MED13: variants seen among roughly 807,000 people sequenced by gnomAD.
The protein encoded by MED13 is mediator of RNA polymerase II transcription subunit 13.
In MED13, 23 loss-of-function variants were observed where a neutral mutation model predicts 225.2. The observed-to-expected ratio is 0.10, with a 90% CI of 0.07 to 0.14. MED13 has a LOEUF of 0.14. Among genes scored for constraint, MED13 ranks in the 10% least tolerant of loss-of-function variants. MED13 has a pLI of 1.00. For missense variants in MED13, 2,197 were observed against 2,594.5 expected (o/e 0.85, Z 3.33); for synonymous variants, 942 against 889.2 (o/e 1.06, Z -1.06).
In MED13 at chr17:62,060,644, CAA is replaced by C. The variant is rs565314177; in HGVS notation, c.301+2421_301+2422del. On this transcript the variant is annotated intron_variant, in intron 2 of 29. Transcript: ENST00000397786. ...CGCGGGACAGAATGAGACTCCGTCT[CAA>C]AAAAAAAAAAAAAACCAACCTCCCA... Among the ~76,000 whole-genome samples, 18 of 84,678 alleles carry C rather than the reference CAA, an allele frequency of 2.1e-4. 1 individual carries two copies. Among genetic ancestry groups the C allele is most frequent in the East Asian group, 8.4e-4 (3 of 3,586 alleles). The allele number at this position is 84,678 out of a possible 152,430, so 55.6% of individuals were successfully genotyped here.
intron 11 of MED13, 100 bp downstream of exon 11, chr17:61,992,440 G>C (rs888488721): frequency 1.5e-6 from 1 of 676,792 alleles, no homozygotes; most frequent in Non-Finnish European, 2.6e-6. Context: ...GAAACATAAT[G>C]AATTATACAA....
intron 9 of MED13, 85 bp from the exon 10 acceptor site, chr17:61,995,450 G>A: frequency 1.1e-6 from 1 of 878,110 alleles, no homozygotes; most frequent in Middle Eastern, 3.5e-4. Context: ...AATGTTTTTA[G>A]AATTACTTAA....
chr17:61,989,668 A>G (rs2080278589), intron 11 of MED13, among the ~76,000 whole-genome samples: 1 of 152,196 alleles, frequency 6.6e-6, no homozygotes, highest in African/African-American at 2.4e-5. Context: ...ATAGGGTCTC[A>G]CTACGTTGGC....
intron 8 of MED13, among the ~76,000 whole-genome samples, chr17:62,022,660 A>T (rs1567984668): frequency 6.6e-6 from 1 of 152,142 alleles, no homozygotes; most frequent in Non-Finnish European, 1.5e-5. Flanking sequence ...ACTAATATGG[A>T]AAGATCTGAG....
intron 16 of MED13, among the ~76,000 whole-genome samples, chr17:61,974,365 C>T (rs957176486): frequency 1.3e-5 from 2 of 152,142 alleles, no homozygotes; most frequent in African/African-American, 4.8e-5. Flanking sequence ...GATAGCGTAA[C>T]ACTGCACTTC....
At chr17:62,062,061 T>C (rs971347840) in intron 2 of MED13, among the ~76,000 whole-genome samples, 1 of 152,122 alleles carries the variant, frequency 6.6e-6, no homozygotes, top group Non-Finnish European at 1.5e-5. Context: ...ATACATTCTA[T>C]CCAAAAATAA....
intron 1 of MED13, 72 bp downstream of exon 1, chr17:62,065,068 C>T (rs950811172): frequency 8.8e-6 from 12 of 1,365,038 alleles, no homozygotes; most frequent in Non-Finnish European, 1.2e-5. Context: ...CCAGACCCGG[C>T]CCCCTCCCCC....
intron 25 of MED13, 31 bp from the exon 26 acceptor site, chr17:61,955,598 A>T (rs2079935903): frequency 1.3e-6 from 2 of 1,542,882 alleles, no homozygotes; most frequent in Non-Finnish European, 1.7e-6. Flanking sequence ...TTCTTTTAAT[A>T]AACGAAGAAT....
In MED13 at chr17:61,965,063, C is replaced by T; in HGVS notation, c.4787G>A (p.Gly1596Glu). 6.2e-7 allele frequency: 1 copy of T among 1,614,082 alleles called. No homozygotes were observed. Among genetic ancestry groups the T allele is most frequent in the Non-Finnish European group, 8.5e-7 (1 of 1,179,984 alleles). The change falls in exon 20 of 30, where the codon GGG (glycine) becomes GAG (glutamate). Residue 1596 changes from glycine (G) to glutamate (E), a missense_variant. By Grantham distance (98) the Gly-to-Glu change is moderately conservative (BLOSUM62 -2). Coordinates refer to ENST00000397786, the MANE Select transcript of MED13 (RefSeq NM_005121.3). ...AAGTGAAGATGATTCTCCAGAAATC[C>T]CAGCTGTCTGTAGAGCTGATGTCTG... is the stretch of plus-strand genomic sequence containing the variant. ...GQQTSALQTA[G>E]ISGESSSLPT...
In MED13 at chr17:61,955,855, TAAA is replaced by T. The variant is rs61326861; in HGVS notation, c.5624-20_5624-18del. 0.045 allele frequency: 35,671 copies of T among 790,662 alleles called. No individual in the cohort carries two copies. The highest frequency in any genetic ancestry group is 0.071 in the East Asian group (932 of 13,068). 49.0% of individuals were successfully genotyped at this position (790,662 alleles called of 1,614,324 possible). A position where few individuals can be genotyped will look rare whatever the true frequency, so the allele number is the denominator to read the frequency against. ...AGCTCCAATCTGTGGGTATCAACAG[TAAA>T]AAAAAAAAAAAAAAAAAAAAAAATC... On this transcript the variant is annotated intron_variant, in intron 24 of 29. Coordinates refer to ENST00000397786, the MANE Select transcript of MED13 (RefSeq NM_005121.3).
At chr17:62,023,934 G>C (rs2080674265) in intron 8 of MED13, among the ~76,000 whole-genome samples, 2 of 152,116 alleles carry the variant, frequency 1.3e-5, no homozygotes, top group South Asian at 2.1e-4. Flanking sequence ...ACTAACCAAA[G>C]CAAGTCACAC....
intron 3 of MED13, among the ~76,000 whole-genome samples, chr17:62,038,105 A>C (rs2080821439): frequency 1.3e-5 from 2 of 152,268 alleles, no homozygotes; most frequent in South Asian, 2.1e-4. Flanking sequence ...GAAATATTAA[A>C]TAAGAGAATT....
In MED13 at chr17:61,968,138, T is replaced by C. The variant is rs764340739; in HGVS notation, c.4088A>G (p.Tyr1363Cys). ...ATAGGCTATATCTCTTTGAGATCCA[T>C]AGGGTTCCAGCATAAGTCTCTCCCA... Reference protein sequence around the residue: ...PYWERLMLEPYGSQRDIAYVV... With the variant: ...PYWERLMLEPCGSQRDIAYVV... Residue 1363 changes from tyrosine to cysteine, a missense_variant, in exon 18 of 30, where the codon TAT becomes TGT. Physicochemically the swap from Tyr to Cys is radical, Grantham distance 194. This residue lies in a region of MED13 where 47 missense variants were observed against 93.8 expected (regional missense o/e 0.50). Coordinates refer to ENST00000397786, the MANE Select transcript of MED13 (RefSeq NM_005121.3). 11 of 1,613,774 alleles carry C rather than the reference T, an allele frequency of 6.8e-6. No individual in the cohort carries two copies. The highest frequency in any genetic ancestry group is 8.5e-6 in the Non-Finnish European group (10 of 1,179,844).
intron 1 of MED13, 103 bp downstream of exon 1, chr17:62,065,037 C>G: frequency 3.7e-6 from 4 of 1,081,498 alleles, no homozygotes; most frequent in Non-Finnish European, 5.0e-6. Flanking sequence ...TGGGCCTCGC[C>G]CGGGAACTCG....
At chr17:62,030,571 T>C (rs187074992) in intron 6 of MED13, 1 of 152,286 alleles carries the variant, frequency 6.6e-6, no homozygotes, top group Non-Finnish European at 1.5e-5. Flanking sequence ...GGTCAGTCAA[T>C]CATTGCTGGA....
rs955339933 is a variant in MED13, at chr17:61,958,408, G to A, written c.5481-1927C>T. Among the ~76,000 whole-genome samples, 9 of 150,668 alleles carry A rather than the reference G, an allele frequency of 6.0e-5. No homozygotes were observed. The South Asian group carries it at 6.3e-4, about 11-fold the overall frequency. ...GGCTGGAGTGCAGTGGTGTGATCTC[G>A]GCTCACTGCAACCTTCGCTTCCTGG... On this transcript the variant is annotated intron_variant, in intron 23 of 29. Transcript: ENST00000397786.
At chr17:62,021,162 ACCG>A in intron 8 of MED13, among the ~76,000 whole-genome samples, 1 of 137,734 alleles carries the variant, frequency 7.3e-6, no homozygotes, top group East Asian at 2.1e-4. Flanking sequence ...ATTCCACAAA[ACCG>A]CCATTGTCAT....
chr17:61,999,729 T>C (rs1029621577), intron 9 of MED13, among the ~76,000 whole-genome samples: 7 of 152,106 alleles, frequency 4.6e-5, no homozygotes, highest in African/African-American at 1.4e-4. Context: ...CTATACTAGT[T>C]AGGTAGCCAT....
chr17:62,030,326 G>A, intron 6 of MED13: 1 of 217,812 alleles, frequency 4.6e-6, no homozygotes, highest in East Asian at 1.0e-4. Context: ...CATGGATCAT[G>A]CTGTATAAGC....
Sources: allele counts gnomAD v4.1 joint callset (sites outside exome capture counted in the v4.1 genomes callset), GRCh38; gene constraint gnomAD v4.1.1; regional missense constraint gnomAD v4.1.1; transcripts MANE v1.5; gene names NCBI Gene and HGNC (gene_info 2026-07-23, HGNC 2026-07-21).